The following SNX31 variants were observed in gnomAD, a reference collection of about 807,000 sequenced individuals.
The protein encoded by SNX31 is sorting nexin 31, also known as sorting nexin-31.
Under a neutral mutation model 65.4 loss-of-function variants are expected in SNX31, and 58 were observed. The ratio of observed to expected loss-of-function variants is 0.89; its 90% CI spans 0.72 to 1.10. SNX31 has a LOEUF of 1.10. Among genes scored for constraint, SNX31 ranks in the 50% least tolerant of loss-of-function variants. The pLI, the probability that SNX31 is intolerant of heterozygous loss-of-function variation, is 0.00. For missense variants in SNX31, 523 were observed against 529.7 expected (o/e 0.99, Z 0.12); for synonymous variants, 181 against 190.1 (o/e 0.95, Z 0.39).
chr8:100,630,435 G>A lies in SNX31; in HGVS notation c.257-44C>T, dbSNP rs1818337941. 6.5e-7 allele frequency: 1 copy of A among 1,550,006 alleles called. No homozygotes were observed. The highest frequency in any genetic ancestry group is 8.8e-7 in the Non-Finnish European group (1 of 1,131,734). On this transcript the variant is annotated intron_variant, in intron 3 of 13. Coordinates refer to ENST00000311812, the MANE Select transcript of SNX31 (RefSeq NM_152628.4). The surrounding 1 kb of genome is among the most constrained non-coding windows in gnomAD (Gnocchi z 5.3). The stretch of plus-strand genomic sequence containing the variant: ...GAGCCAGGTTAGCATGGGCTGGGCT[G>A]GGCCCTGCCTATTAATTGCTATGTC...
intron 11 of SNX31, among the ~76,000 whole-genome samples, chr8:100,586,841 C>T (rs576608134): frequency 5.0e-4 from 76 of 152,278 alleles, no homozygotes; most frequent in African/African-American, 1.8e-3. Flanking sequence ...AATATGACAT[C>T]GATGCAAAGA....
At chr8:100,621,402 G>A (rs944461057) in intron 4 of SNX31, among the ~76,000 whole-genome samples, 8 of 152,242 alleles carry the variant, frequency 5.3e-5, no homozygotes, top group Admixed American at 3.3e-4. Flanking sequence ...CCATGTAGAA[G>A]AGAGTTAATA....
At chr8:100,645,250 C>T (rs1227670292) in intron 2 of SNX31, among the ~76,000 whole-genome samples, 1 of 152,186 alleles carries the variant, frequency 6.6e-6, no homozygotes, top group Non-Finnish European at 1.5e-5. Context: ...AGAAAATAAA[C>T]TGGAAATAAA....
At chr8:100,657,452 CAAA>C (rs34516016) in intron 1 of SNX31, among the ~76,000 whole-genome samples, 4 of 102,420 alleles carry the variant, frequency 3.9e-5, no homozygotes, top group African/African-American at 3.5e-5. Context: ...AACTCCAACT[CAAA>C]AAAAAAAAAA....
At chr8:100,602,297 CT>C (rs1483052835) in intron 8 of SNX31, among the ~76,000 whole-genome samples, 4 of 152,130 alleles carry the variant, frequency 2.6e-5, no homozygotes, top group Non-Finnish European at 2.9e-5. Flanking sequence ...TTAAATATTG[CT>C]GTTTAGGCTG....
At chr8:100,580,816 GTTT>G in intron 12 of SNX31, among the ~76,000 whole-genome samples, 1 of 152,160 alleles carries the variant, frequency 6.6e-6, no homozygotes, top group South Asian at 2.1e-4. Context: ...TTTGTCTTTT[GTTT>G]TCTATTACAT....
chr8:100,608,499 T>C lies in SNX31; in HGVS notation c.676A>G (p.Met226Val), dbSNP rs374815635. The C allele has an allele frequency of 1.9e-6, 3 of 1,614,074 alleles. No homozygotes were observed. Among genetic ancestry groups the C allele is most frequent in the Non-Finnish European group, 1.7e-6 (2 of 1,179,956 alleles). Residue 226 changes from methionine to valine, a missense_variant, in exon 8 of 14, where the codon ATG (methionine) becomes GTG (valine). Transcript: ENST00000311812. ...DCRVAVDLLYMQAIQDIEKGW... is the reference protein window; with the variant it reads ...DCRVAVDLLYVQAIQDIEKGW... ...GAGCTCTTGGTGACCCTCACCTGCATGTAGAGCAAATCTACCGCCACCCTG... is the reference window on the plus strand; with the variant it reads ...GAGCTCTTGGTGACCCTCACCTGCACGTAGAGCAAATCTACCGCCACCCTG...
At chr8:100,601,215 C>T (rs572501711) in intron 8 of SNX31, among the ~76,000 whole-genome samples, 1 of 152,316 alleles carries the variant, frequency 6.6e-6, no homozygotes, top group African/African-American at 2.4e-5. Flanking sequence ...TCCTTACAGC[C>T]ACCCTGTGAT....
At chr8:100,603,873 G>A (rs930201549) in intron 8 of SNX31, among the ~76,000 whole-genome samples, 1 of 152,096 alleles carries the variant, frequency 6.6e-6, no homozygotes, top group Admixed American at 6.5e-5. Context: ...GAGTAGCTGG[G>A]ACTACAGGCA....
intron 1 of SNX31, among the ~76,000 whole-genome samples, chr8:100,662,115 G>A (rs1587118740): frequency 2.6e-5 from 4 of 152,028 alleles, no homozygotes; most frequent in Middle Eastern, 6.8e-3. Context: ...ATGAACCACC[G>A]TGCTCAGCCG....
rs1816468089 is a variant in SNX31 at position 100,609,080 on chromosome 8, A to G, written c.612-517T>C. 6.6e-6 allele frequency among the ~76,000 whole-genome samples: 1 copy of G among 152,062 alleles called. No individual in the cohort carries two copies. The highest frequency in any genetic ancestry group is 2.1e-4 in the South Asian group (1 of 4,826). ...TTCCTGTGAAACTTTTCAGACTCTCATTGTTCCTGGAGTTAGATATTTATT... is the reference window on the plus strand; with the variant it reads ...TTCCTGTGAAACTTTTCAGACTCTCGTTGTTCCTGGAGTTAGATATTTATT... On this transcript the variant is annotated intron_variant, in intron 7 of 13. Coordinates refer to ENST00000311812, the MANE Select transcript of SNX31 (RefSeq NM_152628.4). This position sits in a 1 kb window ranked among gnomAD's most constrained non-coding sequence, Gnocchi z 4.9.
chr8:100,606,260 C>T (rs1025243119), intron 8 of SNX31, among the ~76,000 whole-genome samples: 1 of 152,142 alleles, frequency 6.6e-6, no homozygotes, highest in African/African-American at 2.4e-5. Flanking sequence ...GTCTTGAACT[C>T]CTGAGCTCAA....
chr8:100,643,668 T>G (rs1819428010), intron 2 of SNX31, among the ~76,000 whole-genome samples: 1 of 152,086 alleles, frequency 6.6e-6, no homozygotes, highest in Non-Finnish European at 1.5e-5. Flanking sequence ...AACTAGGACA[T>G]CCAAGCTGAT....
chr8:100,577,055 T>C lies in SNX31; in HGVS notation c.1191A>G (p.Gln397=), dbSNP rs1303166375. Residue 397 remains glutamine, a synonymous_variant, in exon 13 of 14, where the codon CAA becomes CAG. Coordinates refer to ENST00000311812, the MANE Select transcript of SNX31 (RefSeq NM_152628.4). ...NTEMQIEVPE[Q]SKSKKYHIQQ... is the part of the protein sequence containing the mutation. ...GAATGTGGTATTTTTTACTTTTGCTTTGTTCCGGAACTTCAATCTGCTAGA... is the reference window on the plus strand; with the variant it reads ...GAATGTGGTATTTTTTACTTTTGCTCTGTTCCGGAACTTCAATCTGCTAGA... 2.5e-6 allele frequency: 4 copies of C among 1,613,800 alleles called. No individual in the cohort carries two copies. The highest frequency in any genetic ancestry group is 3.4e-6 in the Non-Finnish European group (4 of 1,179,972).
intron 2 of SNX31, among the ~76,000 whole-genome samples, chr8:100,637,849 C>T (rs757289030): frequency 6.6e-6 from 1 of 152,170 alleles, no homozygotes; most frequent in Non-Finnish European, 1.5e-5. Context: ...GTGTGTGCCA[C>T]CACGCCCAGC....
At chr8:100,592,954 A>G (rs529571012) in intron 10 of SNX31, among the ~76,000 whole-genome samples, 2 of 152,310 alleles carry the variant, frequency 1.3e-5, no homozygotes, top group African/African-American at 4.8e-5. Flanking sequence ...CTATGTGTCC[A>G]TTAATATAAA....
chr8:100,578,694 ATT>A lies in SNX31; in HGVS notation c.1171-1621_1171-1620del, dbSNP rs1052360910. Among the ~76,000 whole-genome samples, 3 of 145,548 alleles carry A rather than the reference ATT, an allele frequency of 2.1e-5. No homozygotes were observed. The highest frequency in any genetic ancestry group is 8.0e-5 in the African/African-American group (3 of 37,358). On this transcript the variant is annotated intron_variant, in intron 12 of 13. Transcript: ENST00000311812. This position sits in a 1 kb window ranked among gnomAD's most constrained non-coding sequence, Gnocchi z 4.7. ...GCCTATTTCAATGATTTTTTATTTT[ATT>A]TTATTTTATTTTATTTTATTTTATT...
At position 100,575,191 on chromosome 8, in the gene SNX31, A is replaced by G. The variant is rs1297703390; in HGVS notation, c.1228-1231T>C. Among the ~76,000 whole-genome samples, 5 of 152,238 alleles carry G rather than the reference A, an allele frequency of 3.3e-5. No individual in the cohort carries two copies. On this transcript the variant is annotated intron_variant, in intron 13 of 13. Transcript: ENST00000311812. This position sits in a 1 kb window ranked among gnomAD's most constrained non-coding sequence, Gnocchi z 5.1. ...AACAAACTAATTTTATTTGTTAAAC[A>G]ACAAATAAAGACTGCTTGGGTTCAA...
At position 100,649,452 on chromosome 8, in the gene SNX31, G is replaced by A. The variant is rs570511159; in HGVS notation, c.63C>T (p.Tyr21=). ...QQRSDALGGR[Y]VLYSVHLDGF... is the part of the protein sequence containing the mutation. ...CTGACCCCAGCCCTGGGCGCACCAC[G>A]TAGCGGCCCCCCAGCGCGTCGGACC... is the stretch of plus-strand genomic sequence containing the variant. The change falls in exon 1 of 14, where the codon TAC becomes TAT. Residue 21 remains tyrosine, a synonymous_variant. Coordinates refer to ENST00000311812, the MANE Select transcript of SNX31 (RefSeq NM_152628.4). 6 of 1,267,370 alleles carry A rather than the reference G, an allele frequency of 4.7e-6. No homozygotes were observed. In the South Asian group the frequency reaches 6.1e-5, roughly 13 times the overall value. The allele number at this position is 1,267,370 out of a possible 1,614,324, so 78.5% of individuals were successfully genotyped here.
Sources: gnomAD v4.1 joint callset for allele counts (sites outside exome capture counted in the v4.1 genomes callset) on GRCh38, gnomAD v4.1.1 for gene constraint, Gnocchi (gnomAD v3.1) non-coding constraint, MANE v1.5 for transcripts, NCBI Gene and HGNC (gene_info 2026-07-23, HGNC 2026-07-21) for gene names.